Variants in KCNT2 observed in about 807,000 individuals in gnomAD.
KCNT2 encodes potassium sodium-activated channel subfamily T member 2.
In KCNT2, 67 loss-of-function variants were observed where a neutral mutation model predicts 153.8. The observed-to-expected ratio is 0.44, with a 90% CI of 0.36 to 0.53. KCNT2 has a LOEUF of 0.53. Among genes scored for constraint, KCNT2 ranks in the 20% least tolerant of loss-of-function variants. The pLI is 0.00. For synonymous variants in KCNT2, 500 were observed against 458.8 expected, an observed-to-expected ratio of 1.09 and a Z score of -1.15; for missense variants, 975 against 1,354.8, an observed-to-expected ratio of 0.72 and a Z score of 4.40.
intron 1 of KCNT2, among the ~76,000 whole-genome samples, chr1:196,557,737 T>TA (rs921489166): frequency 3.3e-5 from 5 of 151,342 alleles, no homozygotes; most frequent in African/African-American, 1.2e-4. Flanking sequence ...GAGGGTAAAT[T>TA]AAAAAAAACT....
At chr1:196,305,463 C>G (rs760708581) in intron 21 of KCNT2, 118 bp from the exon 22 acceptor site, 18 of 598,466 alleles carry the variant, frequency 3.0e-5, no homozygotes, top group Non-Finnish European at 4.7e-5. Context: ...CCAATTACAA[C>G]AGCAGGCAGT....
At chr1:196,405,517 A>T (rs1572336968) in intron 12 of KCNT2, among the ~76,000 whole-genome samples, 1 of 151,536 alleles carries the variant, frequency 6.6e-6, no homozygotes, top group Admixed American at 6.6e-5. Flanking sequence ...CTATGGCAGG[A>T]ATTATTTTAC....
At chr1:196,437,765 G>C (rs1277862164) in intron 8 of KCNT2, among the ~76,000 whole-genome samples, 1 of 150,876 alleles carries the variant, frequency 6.6e-6, no homozygotes, top group Non-Finnish European at 1.5e-5. Flanking sequence ...TTTTGTAATG[G>C]AAAAAAGCTA....
At chr1:196,336,856 A>C (rs992332358) in intron 16 of KCNT2, among the ~76,000 whole-genome samples, 1 of 152,074 alleles carries the variant, frequency 6.6e-6, no homozygotes, top group African/African-American at 2.4e-5. Flanking sequence ...CACCTCACTC[A>C]TTGGGTTTTC....
In KCNT2 at chr1:196,285,752, G is replaced by A. The variant is rs1246360892; in HGVS notation, c.2602C>T (p.Arg868Trp). 9 of 1,597,416 alleles carry A rather than the reference G, an allele frequency of 5.6e-6. No homozygotes were observed. Among genetic ancestry groups the A allele is most frequent in the African/African-American group, 1.3e-5 (1 of 74,514 alleles). The change falls in exon 23 of 28, where the codon CGG becomes TGG. Residue 868 changes from arginine to tryptophan, a missense_variant. By Grantham distance (101) the Arg-to-Trp change is moderately radical. Coordinates refer to ENST00000294725, the MANE Select transcript of KCNT2 (RefSeq NM_198503.5). ...LALSKLEKKE[R>W]ERGSNLAFMF... is the part of the protein sequence containing the mutation. ...AAGGCCAAGTTAGAGCCTCTCTCCC[G>A]TTCTTTCTGTTCAGAAATTTGAGAT...
In KCNT2 at chr1:196,500,852, G is replaced by GA. The variant is rs1315314923; in HGVS notation, c.96-8512dup. On this transcript the variant is annotated intron_variant, in intron 1 of 27. Coordinates refer to ENST00000294725, the MANE Select transcript of KCNT2 (RefSeq NM_198503.5). ...ACAATGAACTCAAACAACTCAACAA[G>GA]AAAAAAATATAAACTCCTTAAAAAG... 3.3e-5 allele frequency among the ~76,000 whole-genome samples: 5 copies of GA among 151,920 alleles called. No homozygotes were observed. In the East Asian group the frequency reaches 5.8e-4, roughly 18 times the overall value.
intron 8 of KCNT2, among the ~76,000 whole-genome samples, chr1:196,459,628 G>C (rs1037530277): frequency 6.6e-5 from 10 of 151,784 alleles, no homozygotes; most frequent in Admixed American, 6.6e-5. Context: ...GCCAAAAACT[G>C]TAAGTCATAG....
intron 8 of KCNT2, among the ~76,000 whole-genome samples, chr1:196,450,777 A>G (rs1676091298): frequency 6.6e-6 from 1 of 151,808 alleles, no homozygotes; most frequent in South Asian, 2.1e-4. Context: ...TTCTCCATAT[A>G]GTATCCACAG....
intron 26 of KCNT2, among the ~76,000 whole-genome samples, chr1:196,252,428 A>G (rs924662369): frequency 6.6e-5 from 10 of 151,718 alleles, no homozygotes; most frequent in Middle Eastern, 3.2e-3. Flanking sequence ...CTCACGCTAT[A>G]GAGTTTACAA....
chr1:196,414,320 T>C (rs971369371), intron 12 of KCNT2, among the ~76,000 whole-genome samples: 1 of 151,770 alleles, frequency 6.6e-6, no homozygotes, highest in South Asian at 2.1e-4. Flanking sequence ...GATTAATCAA[T>C]TAAAAGTAAT....
At chr1:196,590,117 AG>A (rs1165379552) in intron 1 of KCNT2, among the ~76,000 whole-genome samples, 1 of 152,188 alleles carries the variant, frequency 6.6e-6, no homozygotes, top group Non-Finnish European at 1.5e-5. Flanking sequence ...AAAAATGCAA[AG>A]TAAACACACT....
At chr1:196,475,815 CCTT>C (rs1302917775) in intron 5 of KCNT2, among the ~76,000 whole-genome samples, 1 of 152,146 alleles carries the variant, frequency 6.6e-6, no homozygotes, top group Non-Finnish European at 1.5e-5. Context: ...AGCAACCTAT[CCTT>C]CTACTGTCAC....
intron 1 of KCNT2, among the ~76,000 whole-genome samples, chr1:196,522,976 A>C (rs1385941355): frequency 6.6e-6 from 1 of 152,178 alleles, no homozygotes; most frequent in East Asian, 1.9e-4. Context: ...GTGGCAACCC[A>C]CTTGGGTCCC....
At chr1:196,465,052 G>C (rs1677486123) in intron 8 of KCNT2, among the ~76,000 whole-genome samples, 1 of 151,978 alleles carries the variant, frequency 6.6e-6, no homozygotes, top group African/African-American at 2.4e-5. Context: ...GTTTACAGCA[G>C]TTGGTAAAAT....
intron 1 of KCNT2, among the ~76,000 whole-genome samples, chr1:196,584,668 T>A (rs552186755): frequency 6.6e-6 from 1 of 152,084 alleles, no homozygotes; most frequent in East Asian, 1.9e-4. Context: ...AGAAATAATG[T>A]TGTCAAGAGA....
intron 22 of KCNT2, among the ~76,000 whole-genome samples, chr1:196,303,569 T>C (rs1661377337): frequency 6.6e-6 from 1 of 152,168 alleles, no homozygotes; most frequent in Non-Finnish European, 1.5e-5. Flanking sequence ...TCAACAAATA[T>C]AAAATGTATC....
At position 196,235,718 on chromosome 1, in the gene KCNT2, G is replaced by A. The variant is rs187609529; in HGVS notation, c.3296+268C>T. Among the ~76,000 whole-genome samples the A allele has an allele frequency of 2.6e-3, 398 of 151,296 alleles. 5 individuals carry two copies. The highest frequency in any genetic ancestry group is 0.014 in the South Asian group (68 of 4,826). ...TTGAGTTGCTCTTTTATTCTTCCAC[G>A]TCTTCACTTATTTTTTCCAAATATT... On this transcript the variant is annotated intron_variant, in intron 27 of 27. Coordinates refer to ENST00000294725, the MANE Select transcript of KCNT2 (RefSeq NM_198503.5).
chr1:196,587,603 A>G (rs1207240568), intron 1 of KCNT2, among the ~76,000 whole-genome samples: 1 of 152,074 alleles, frequency 6.6e-6, no homozygotes, highest in African/African-American at 2.4e-5. Context: ...ATATAAGGCT[A>G]TAAGATTTAG....
chr1:196,349,290 C>A (rs1270374177), intron 14 of KCNT2, among the ~76,000 whole-genome samples: 2 of 152,140 alleles, frequency 1.3e-5, no homozygotes, highest in South Asian at 2.1e-4. Context: ...CCATTCCTAT[C>A]ATTTAATAAT....
Sources: gnomAD v4.1 joint callset for allele counts (sites outside exome capture counted in the v4.1 genomes callset) on GRCh38, gnomAD v4.1.1 for gene constraint, MANE v1.5 for transcripts, NCBI Gene and HGNC (gene_info 2026-07-23, HGNC 2026-07-21) for gene names.